Variants in SLC67A1 observed in about 807,000 individuals in gnomAD.
SLC67A1 encodes the protein solute carrier family 67 member 1.
the SLC67A1 span, among the ~76,000 whole-genome samples, chr11:2,917,558 G>A: frequency 1.3e-5 from 2 of 152,248 alleles, no homozygotes; most frequent in Admixed American, 6.5e-5. Context: ...TGGCCACAGA[G>A]AGTGGTACAG....
chr11:2,916,953 G>A, the SLC67A1 span: 2 of 532,898 alleles, frequency 3.8e-6, no homozygotes, highest in Non-Finnish European at 3.4e-6. Flanking sequence ...GCTCCGGCAG[G>A]CAGGGAGGCC....
chr11:2,903,256 C>A, the SLC67A1 span: 1 of 1,554,904 alleles, frequency 6.4e-7, no homozygotes, highest in Non-Finnish European at 8.7e-7. Context: ...TGACTCAGCA[C>A]CCCTGCCCGG....
chr11:2,922,211 C>T, the SLC67A1 span: 1 of 1,609,712 alleles, frequency 6.2e-7, no homozygotes, highest in Admixed American at 1.7e-5. Context: ...ATGGTGAGGG[C>T]TCCCCGCTTT....
the SLC67A1 span, among the ~76,000 whole-genome samples, chr11:2,912,322 C>A: frequency 4.6e-5 from 7 of 152,246 alleles, no homozygotes. Context: ...GCCAGCCAGG[C>A]TCCAAAGCCT....
At chr11:2,899,877 A>T in the SLC67A1 span, 2 of 657,024 alleles carry the variant, frequency 3.0e-6, no homozygotes, top group South Asian at 2.4e-5. Flanking sequence ...ACCTCTGGGC[A>T]GTTTGGTAAC....
At chr11:2,918,044 C>G in the SLC67A1 span, 1 of 1,613,512 alleles carries the variant, frequency 6.2e-7, no homozygotes, top group Non-Finnish European at 8.5e-7. Flanking sequence ...GCTGCGGCTG[C>G]CAGACGTCCC....
chr11:2,909,356 G>C, the SLC67A1 span: 1 of 1,376,628 alleles, frequency 7.3e-7, no homozygotes, highest in Non-Finnish European at 9.3e-7. Context: ...CACGCTGCCA[G>C]GTAGGGCCGG....
At chr11:2,916,996 G>A in the SLC67A1 span, 22 of 547,354 alleles carry the variant, frequency 4.0e-5, no homozygotes, top group Non-Finnish European at 5.7e-5. Flanking sequence ...CAGGGAAGGC[G>A]TTAGGAGGGG....
chr11:2,914,844 C>T, the SLC67A1 span: 19 of 985,318 alleles, frequency 1.9e-5, no homozygotes, highest in African/African-American at 2.1e-4. Context: ...AGAAAGGGCC[C>T]GTCTCTCTGG....
At chr11:2,915,296 T>TGCGC in the SLC67A1 span, 22 of 904,942 alleles carry the variant, frequency 2.4e-5, no homozygotes, top group East Asian at 1.2e-4. Context: ...TGTGTGTGTG[T>TGCGC]GCGCATGTGG....
chr11:2,910,019 G>A, the SLC67A1 span, among the ~76,000 whole-genome samples: 1 of 152,168 alleles, frequency 6.6e-6, no homozygotes, highest in Non-Finnish European at 1.5e-5. Context: ...AGGCCTCCCA[G>A]CAGCCTCCTG....
chr11:2,920,384 C>G, the SLC67A1 span: 3 of 152,330 alleles, frequency 2.0e-5, no homozygotes, highest in African/African-American at 7.2e-5. Flanking sequence ...CTGTTCTGAA[C>G]AGGCTGCGCC....
the SLC67A1 span, among the ~76,000 whole-genome samples, chr11:2,915,592 CAG>C: frequency 6.6e-6 from 1 of 152,248 alleles, no homozygotes; most frequent in East Asian, 1.9e-4. Flanking sequence ...CCTCAGGGGC[CAG>C]ATTCTAGCCA....
the SLC67A1 span, among the ~76,000 whole-genome samples, chr11:2,924,265 G>A: frequency 5.3e-5 from 8 of 152,316 alleles, no homozygotes; most frequent in South Asian, 1.0e-3. The surrounding 1 kb of genome is among the most constrained non-coding windows in gnomAD (Gnocchi z 8.6). Context: ...CTCGGAAGCC[G>A]CTCGGTCTTG....
At chr11:2,918,121 G>A in the SLC67A1 span, 1 of 1,578,612 alleles carries the variant, frequency 6.3e-7, no homozygotes, top group South Asian at 1.1e-5. Context: ...TGCCCCAACA[G>A]CGGCCAGAGC....
chr11:2,914,519 T>C, the SLC67A1 span, among the ~76,000 whole-genome samples: 1 of 152,058 alleles, frequency 6.6e-6, no homozygotes, highest in African/African-American at 2.4e-5. Context: ...AGCCTGCGTC[T>C]CCCCCAGCAG....
At chr11:2,911,934 C>G in the SLC67A1 span, among the ~76,000 whole-genome samples, 1 of 152,256 alleles carries the variant, frequency 6.6e-6, no homozygotes, top group African/African-American at 2.4e-5. Context: ...ACATTCCATT[C>G]GCTTCCCTGC....
At chr11:2,921,793 G>A in the SLC67A1 span, 36 of 276,606 alleles carry the variant, frequency 1.3e-4, no homozygotes, top group South Asian at 6.5e-4. Context: ...GCCCATCCCC[G>A]GGAGCAGCCT....
chr11:2,902,578 C>G, the SLC67A1 span: 1 of 985,386 alleles, frequency 1.0e-6, no homozygotes, highest in Non-Finnish European at 1.2e-6. Context: ...AGCCTGGGTT[C>G]GGTACCTCGG....
Sources: allele counts gnomAD v4.1 joint callset (sites outside exome capture counted in the v4.1 genomes callset), GRCh38; gene constraint gnomAD v4.1.1; non-coding constraint Gnocchi (gnomAD v3.1); transcripts MANE v1.5; gene names NCBI Gene and HGNC (gene_info 2026-07-23, HGNC 2026-07-21).